BANK1: variants seen among roughly 807,000 people sequenced by gnomAD.
The protein encoded by BANK1 is B cell scaffold protein with ankyrin repeats 1, also known as B-cell scaffold protein with ankyrin repeats.
BANK1 carries 95 observed loss-of-function variants against 94.5 expected under a neutral mutation model. The ratio of observed to expected loss-of-function variants is 1.00; its 90% CI spans 0.85 to 1.19. The LOEUF (loss-of-function observed/expected upper bound fraction) is 1.19. Among genes scored for constraint, BANK1 ranks in the 50% most tolerant of loss-of-function variants. The pLI, the probability that BANK1 is intolerant of heterozygous loss-of-function variation, is 0.00. For missense variants in BANK1, 987 were observed against 932.2 expected, an observed-to-expected ratio of 1.06 and a Z score of -0.77; for synonymous variants, 334 against 308.4, an observed-to-expected ratio of 1.08 and a Z score of -0.87.
intron 11 of BANK1, among the ~76,000 whole-genome samples, chr4:102,055,425 A>G (rs1356220907): frequency 1.3e-5 from 2 of 151,990 alleles, no homozygotes; most frequent in Non-Finnish European, 2.9e-5. Context: ...CGTGTTAGGG[A>G]TAGAAACAAG....
chr4:101,889,854 A>T (rs1721786141), intron 5 of BANK1, among the ~76,000 whole-genome samples: 2 of 152,062 alleles, frequency 1.3e-5, no homozygotes, highest in South Asian at 4.1e-4. Context: ...AAATTTTGAT[A>T]TGTTGTATTT....
intron 1 of BANK1, among the ~76,000 whole-genome samples, chr4:101,809,568 A>C (rs1725673228): frequency 6.6e-6 from 1 of 152,114 alleles, no homozygotes; most frequent in African/African-American, 2.4e-5. Context: ...GTACTTTAAA[A>C]ATGGAAAGAT....
chr4:101,991,118 G>A (rs1463217905), intron 7 of BANK1, among the ~76,000 whole-genome samples: 1 of 152,134 alleles, frequency 6.6e-6, no homozygotes, highest in African/African-American at 2.4e-5. Flanking sequence ...GCTTACAATA[G>A]TCATGTAACT....
chr4:101,804,627 T>C (rs2148851757), intron 1 of BANK1, among the ~76,000 whole-genome samples: 1 of 152,318 alleles, frequency 6.6e-6, no homozygotes. Flanking sequence ...GGGCAATTCA[T>C]CCTGTAAACA....
Position 102,043,896 on chromosome 4 carries a change from C to A in BANK1, c.1958C>A (p.Pro653His). ...QSDDDKFCGL[P>H]KKQDRARIES... is the part of the protein sequence containing the mutation. ...GATGATGACAAGTTCTGTGGTCTTCCTAAGAAACAAGGTACTAACACTAAC... is the reference window on the plus strand; with the variant it reads ...GATGATGACAAGTTCTGTGGTCTTCATAAGAAACAAGGTACTAACACTAAC... The change falls in exon 11 of 17, where the codon CCT becomes CAT. Residue 653 changes from proline to histidine, a missense_variant. Coordinates refer to ENST00000322953, the MANE Select transcript of BANK1 (RefSeq NM_017935.5). The A allele has an allele frequency of 6.3e-7, 1 of 1,591,922 alleles. No individual in the cohort carries two copies.
At chr4:102,063,276 C>T (rs1728485518) in intron 13 of BANK1, 138 bp downstream of exon 13, 2 of 687,568 alleles carry the variant, frequency 2.9e-6, no homozygotes, top group Non-Finnish European at 4.9e-6. Context: ...GGGTCTTAAT[C>T]TCTGGTAGTC....
intron 1 of BANK1, among the ~76,000 whole-genome samples, chr4:101,791,617 TA>T (rs1362215245): frequency 1.3e-5 from 2 of 152,252 alleles, no homozygotes; most frequent in Non-Finnish European, 2.9e-5. Context: ...CTCAGTGATA[TA>T]AAAATGTTTT....
intron 7 of BANK1, among the ~76,000 whole-genome samples, chr4:101,961,669 G>T (rs1034180420): frequency 7.2e-5 from 11 of 152,114 alleles, no homozygotes; most frequent in Non-Finnish European, 1.5e-4. Flanking sequence ...AAGTCAGCTT[G>T]CTTTAGGTGA....
chr4:101,970,939 C>T, intron 7 of BANK1, among the ~76,000 whole-genome samples: 1 of 151,994 alleles, frequency 6.6e-6, no homozygotes, highest in East Asian at 1.9e-4. Context: ...AGTAACTGGC[C>T]CGTTGTTTGT....
At chr4:101,959,147 T>TG (rs1724476844) in intron 7 of BANK1, among the ~76,000 whole-genome samples, 1 of 151,648 alleles carries the variant, frequency 6.6e-6, no homozygotes, top group South Asian at 2.1e-4. Context: ...TGTTTTTGTT[T>TG]TTTTTTTGAG....
chr4:101,803,303 T>C (rs554837317), intron 1 of BANK1, among the ~76,000 whole-genome samples: 11 of 152,278 alleles, frequency 7.2e-5, no homozygotes, highest in Middle Eastern at 6.8e-3. Context: ...CATATTTTCA[T>C]TGAGTGAGAG....
At chr4:101,864,425 A>T (rs548937676) in intron 4 of BANK1, among the ~76,000 whole-genome samples, 1 of 152,340 alleles carries the variant, frequency 6.6e-6, no homozygotes, top group Non-Finnish European at 1.5e-5. Context: ...TATAAGGAAA[A>T]CAAAGGTTTT....
intron 2 of BANK1, among the ~76,000 whole-genome samples, chr4:101,840,704 T>C (rs1727013519): frequency 6.6e-6 from 1 of 152,234 alleles, no homozygotes; most frequent in African/African-American, 2.4e-5. Flanking sequence ...TGTTAATAAA[T>C]ACATGGGTAA....
chr4:101,829,648 A>G (rs2148863145), intron 1 of BANK1, among the ~76,000 whole-genome samples, 160 bp from the exon 2 acceptor site: 1 of 152,074 alleles, frequency 6.6e-6, no homozygotes, highest in South Asian at 2.1e-4. Flanking sequence ...AGTTTTATTT[A>G]ATCTATGATT....
chr4:101,987,165 G>T (rs1260800334), intron 7 of BANK1, among the ~76,000 whole-genome samples: 1 of 151,566 alleles, frequency 6.6e-6, no homozygotes, highest in East Asian at 1.9e-4. Context: ...AACAAAATTG[G>T]TCCTCAATCC....
intron 1 of BANK1, chr4:101,814,072 T>C (rs1171516891): frequency 5.0e-6 from 1 of 200,570 alleles, no homozygotes; most frequent in East Asian, 1.9e-4. Context: ...GTTTCCAAAG[T>C]GTGACATCCC....
intron 7 of BANK1, among the ~76,000 whole-genome samples, chr4:101,964,906 C>G (rs1186053008): frequency 1.9e-5 from 2 of 103,258 alleles, no homozygotes; most frequent in African/African-American, 3.7e-5. Context: ...CCAATGCGAT[C>G]CCTCCCCCCT....
intron 1 of BANK1, among the ~76,000 whole-genome samples, chr4:101,791,380 C>T (rs561236185): frequency 3.3e-5 from 5 of 152,296 alleles, no homozygotes; most frequent in East Asian, 1.9e-4. Context: ...TTTACCTGCC[C>T]GGCCTGACAA....
chr4:101,929,200 G>A (rs1408956449), intron 7 of BANK1, among the ~76,000 whole-genome samples: 1 of 151,412 alleles, frequency 6.6e-6, no homozygotes, highest in Non-Finnish European at 1.5e-5. Context: ...CAAATATTTA[G>A]CAAGCACTCA....
Sources: allele counts gnomAD v4.1 joint callset (sites outside exome capture counted in the v4.1 genomes callset), GRCh38; gene constraint gnomAD v4.1.1; transcripts MANE v1.5; gene names NCBI Gene and HGNC (gene_info 2026-07-23, HGNC 2026-07-21).